The following GPC4 variants were observed in gnomAD, a reference collection of about 807,000 sequenced individuals.
GPC4 encodes glypican 4.
In GPC4, 10 loss-of-function variants were observed where a neutral mutation model predicts 35.0. The observed-to-expected ratio is 0.29, with a 90% CI of 0.18 to 0.48. The LOEUF (loss-of-function observed/expected upper bound fraction) is 0.48. Ranked by LOEUF, GPC4 falls within the 20% of genes least tolerant of loss-of-function variation. GPC4 has a pLI of 0.99. For missense variants in GPC4, 322 were observed against 451.3 expected, an observed-to-expected ratio of 0.71 and a Z score of 2.60; for synonymous variants, 167 against 170.2, an observed-to-expected ratio of 0.98 and a Z score of 0.15.
At chrX:133,373,241 G>C (rs976876222) in intron 1 of GPC4, among the ~76,000 whole-genome samples, 14 of 111,467 alleles carry the variant, frequency 1.3e-4, no homozygotes, top group Non-Finnish European at 2.1e-4. Flanking sequence ...CTCCTGGATA[G>C]GAATCGAACA....
intron 7 of GPC4, among the ~76,000 whole-genome samples, chrX:133,304,027 C>A (rs2068280293): frequency 9.2e-6 from 1 of 109,110 alleles, no homozygotes; most frequent in African/African-American, 3.4e-5. Flanking sequence ...GGTGCGGTGG[C>A]TCACACCTGT....
chrX:133,320,393 G>A (rs1041625772), intron 3 of GPC4, among the ~76,000 whole-genome samples: 28 of 111,005 alleles, frequency 2.5e-4, no homozygotes, highest in African/African-American at 8.8e-4. Flanking sequence ...TTGGGAGGCC[G>A]AGGTGGGCGA....
At chrX:133,330,542 ATT>A (rs764916900) in intron 2 of GPC4, among the ~76,000 whole-genome samples, 1 of 111,087 alleles carries the variant, frequency 9.0e-6, no homozygotes, top group Non-Finnish European at 1.9e-5. Flanking sequence ...TTAAACAGGC[ATT>A]TTTTTCTCGA....
At chrX:133,339,121 C>A in intron 2 of GPC4, 62 bp downstream of exon 2, 2 of 1,091,848 alleles carry the variant, frequency 1.8e-6, no homozygotes, top group Admixed American at 2.3e-5. Flanking sequence ...AGCAGAGGAG[C>A]TGTGAAAAAG....
chrX:133,305,623 G>A (rs2068287066), intron 6 of GPC4, 149 bp downstream of exon 6: 1 of 729,296 alleles, frequency 1.4e-6, no homozygotes, highest in African/African-American at 2.1e-5. Context: ...AAATGGGACA[G>A]GCAGATTGAC....
intron 3 of GPC4, among the ~76,000 whole-genome samples, chrX:133,319,236 G>T (rs1466513428): frequency 1.8e-5 from 2 of 109,198 alleles, no homozygotes; most frequent in African/African-American, 3.3e-5. Context: ...TTGAGCCCAG[G>T]AATTCGAGAC....
At chrX:133,407,382 CCT>C (rs925383692) in intron 1 of GPC4, among the ~76,000 whole-genome samples, 6 of 111,346 alleles carry the variant, frequency 5.4e-5, no homozygotes, top group African/African-American at 2.0e-4. Context: ...CTCTTCCCTC[CCT>C]CACTCTCCCT....
intron 2 of GPC4, among the ~76,000 whole-genome samples, chrX:133,324,769 A>G (rs2068384234): frequency 9.0e-6 from 1 of 111,508 alleles, no homozygotes; most frequent in African/African-American, 3.3e-5. Context: ...GAGAGGAAAA[A>G]AATGAAAATT....
chrX:133,386,630 C>T (rs1002295871), intron 1 of GPC4, among the ~76,000 whole-genome samples: 5 of 111,322 alleles, frequency 4.5e-5, no homozygotes. Flanking sequence ...TCAGATGCCC[C>T]CTGGCCTCCC....
chrX:133,403,135 T>C (rs1324649132), intron 1 of GPC4, among the ~76,000 whole-genome samples: 1 of 111,621 alleles, frequency 9.0e-6, no homozygotes, highest in Non-Finnish European at 1.9e-5. Context: ...TTTCCTTACT[T>C]AGGCATCTAG....
intron 1 of GPC4, among the ~76,000 whole-genome samples, chrX:133,396,212 T>C (rs1315067633): frequency 2.7e-5 from 3 of 111,935 alleles, no homozygotes; most frequent in Non-Finnish European, 5.6e-5. Flanking sequence ...AACAACAGCA[T>C]ACACTACTAA....
chrX:133,367,329 G>A (rs1237476756), intron 1 of GPC4, among the ~76,000 whole-genome samples: 1 of 111,938 alleles, frequency 8.9e-6, no homozygotes, highest in Non-Finnish European at 1.9e-5. Flanking sequence ...GTGCTCTTGC[G>A]ATGTATATGT....
chrX:133,359,394 G>A (rs1255368224), intron 1 of GPC4, among the ~76,000 whole-genome samples: 2 of 110,388 alleles, frequency 1.8e-5, no homozygotes, highest in African/African-American at 6.6e-5. Context: ...CCTTCCTTGT[G>A]GTTAAAAGGC....
rs989279739 is a variant in GPC4, at chrX:133,347,267, T to G, written c.161-7926A>C. On this transcript the variant is annotated intron_variant, in intron 1 of 8. Transcript: ENST00000370828. ...TTAGAAGTTTTTTTTTTTTTTTTTT[T>G]TTTTTTTTTTTTTAAGAAAAGCAAG... Among the ~76,000 whole-genome samples the G allele has an allele frequency of 4.4e-4, 42 of 94,802 alleles. 1 individual carries two copies. The highest frequency in any genetic ancestry group is 1.4e-3 in the African/African-American group (36 of 25,598). 82.3% of individuals were successfully genotyped at this position (94,802 alleles called of 115,157 possible).
intron 3 of GPC4, among the ~76,000 whole-genome samples, chrX:133,313,948 A>T (rs1406416726): frequency 8.9e-6 from 1 of 112,170 alleles, no homozygotes; most frequent in African/African-American, 3.2e-5. Context: ...GCAAGTGGCT[A>T]TGAAATGAAA....
At chrX:133,347,248 GTTTTTTTTTT>G (rs763800349) in intron 1 of GPC4, among the ~76,000 whole-genome samples, 13 of 25,415 alleles carry the variant, frequency 5.1e-4, no homozygotes, top group East Asian at 1.8e-3. Context: ...TCTATTAGAA[GTTTTTTTTTT>G]TTTTTTTTTT....
At position 133,302,699 on chromosome X, in the gene GPC4, A is replaced by G; in HGVS notation, c.*168T>C. 1 of 484,208 alleles carries G rather than the reference A, an allele frequency of 2.1e-6. No homozygotes were observed. Among genetic ancestry groups the G allele is most frequent in the Non-Finnish European group, 3.4e-6 (1 of 291,078 alleles). The allele number at this position is 484,208 out of a possible 1,213,427, so 39.9% of individuals were successfully genotyped here. On this transcript the variant is annotated 3_prime_UTR_variant, in exon 9 of 9. Coordinates refer to ENST00000370828, the MANE Select transcript of GPC4 (RefSeq NM_001448.3). Reference sequence around the variant, plus strand: ...TCAATGCACAGTCCCTTTTCCTCCCAAAACTGAATGAGAAAACAAAGTCAG... The same window carrying G: ...TCAATGCACAGTCCCTTTTCCTCCCGAAACTGAATGAGAAAACAAAGTCAG...
chrX:133,352,873 G>A (rs773380507), intron 1 of GPC4, among the ~76,000 whole-genome samples: 6 of 111,495 alleles, frequency 5.4e-5, no homozygotes, highest in East Asian at 2.8e-4. Context: ...CCAGCCACCC[G>A]CCATTTTCCT....
At chrX:133,307,112 T>TC (rs1486743930) in intron 4 of GPC4, among the ~76,000 whole-genome samples, 2 of 111,848 alleles carry the variant, frequency 1.8e-5, no homozygotes, top group Non-Finnish European at 3.8e-5. Context: ...AACTTGTTTA[T>TC]CCCCCCTTTA....
Sources: allele counts gnomAD v4.1 joint callset (sites outside exome capture counted in the v4.1 genomes callset), GRCh38; gene constraint gnomAD v4.1.1; transcripts MANE v1.5; gene names NCBI Gene and HGNC (gene_info 2026-07-23, HGNC 2026-07-21).